PRKAG2: variants seen among roughly 807,000 people sequenced by gnomAD.
The protein encoded by PRKAG2 is protein kinase AMP-activated non-catalytic subunit gamma 2, also known as 5'-AMP-activated protein kinase subunit gamma-2.
PRKAG2 carries 26 observed loss-of-function variants against 69.6 expected under a neutral mutation model. The ratio of observed to expected loss-of-function variants is 0.37; its 90% CI spans 0.27 to 0.52. PRKAG2 has a LOEUF of 0.52. Ranked by LOEUF, PRKAG2 falls within the 20% of genes least tolerant of loss-of-function variation. The pLI is 0.90. For synonymous variants in PRKAG2, 293 were observed against 285.0 expected, an observed-to-expected ratio of 1.03 and a Z score of -0.28; for missense variants, 557 against 740.0, an observed-to-expected ratio of 0.75 and a Z score of 2.87.
intron 5 of PRKAG2, among the ~76,000 whole-genome samples, chr7:151,616,307 C>T (rs1052781654): frequency 6.6e-6 from 1 of 152,156 alleles, no homozygotes; most frequent in Non-Finnish European, 1.5e-5. Context: ...CACACAGGCA[C>T]ACACACACAT....
rs1341178558 is a variant in PRKAG2, at chr7:151,777,885, C to A, written c.466+3267G>T. Among the ~76,000 whole-genome samples the A allele has an allele frequency of 1.3e-5, 2 of 152,170 alleles. No individual in the cohort carries two copies. Among genetic ancestry groups the A allele is most frequent in the Admixed American group, 6.5e-5 (1 of 15,276 alleles). The stretch of plus-strand genomic sequence containing the variant: ...GATTATGGGAGGGGCCTGAACCGGG[C>A]TAACATGCAGGTGTAGTTTCTATGA... On this transcript the variant is annotated intron_variant, in intron 3 of 15. Coordinates refer to ENST00000287878, the MANE Select transcript of PRKAG2 (RefSeq NM_016203.4). The surrounding 1 kb of genome is among the most constrained non-coding windows in gnomAD (Gnocchi z 4.3).
rs2302530 is a variant in PRKAG2 at position 151,570,311 on chromosome 7, G to A, written c.1052-86C>T. The A allele has an allele frequency of 0.24, 341,698 of 1,424,172 alleles. 43,670 individuals are homozygous for A. Among genetic ancestry groups the A allele is most frequent in the East Asian group, 0.41 (17,585 of 42,698 alleles). 88.2% of individuals were successfully genotyped at this position (1,424,172 alleles called of 1,614,324 possible). A position where few individuals can be genotyped will look rare whatever the true frequency, so the allele number is the denominator to read the frequency against. On this transcript the variant is annotated intron_variant, in intron 9 of 15. Transcript: ENST00000287878. ...CAAATTCAAATACCCTTCAGTTTAC[G>A]GTTAATAGTTAGAAGGATTAAAAAC... is the stretch of plus-strand genomic sequence containing the variant.
At chr7:151,812,678 A>G (rs4582468) in intron 1 of PRKAG2, among the ~76,000 whole-genome samples, 55,369 of 152,026 alleles carry the variant, frequency 0.36, 10,388 homozygotes, top group South Asian at 0.57. Flanking sequence ...CACGAAGACC[A>G]GGCTTAGGGA....
At chr7:151,665,534 C>T (rs1014731658) in intron 4 of PRKAG2, among the ~76,000 whole-genome samples, 1 of 152,214 alleles carries the variant, frequency 6.6e-6, no homozygotes, top group Admixed American at 6.5e-5. Flanking sequence ...TAGACACACT[C>T]TGCCTGTCTC....
At chr7:151,617,890 T>G (rs1028834243) in intron 5 of PRKAG2, among the ~76,000 whole-genome samples, 1 of 152,234 alleles carries the variant, frequency 6.6e-6, no homozygotes, top group East Asian at 1.9e-4. Flanking sequence ...TTATACTTTA[T>G]TCTGCATTTA....
At chr7:151,693,865 G>T (rs1836131887) in intron 3 of PRKAG2, among the ~76,000 whole-genome samples, 2 of 152,220 alleles carry the variant, frequency 1.3e-5, no homozygotes, top group African/African-American at 2.4e-5. Flanking sequence ...CTGTGAGAAA[G>T]AAATTTCTGT....
At chr7:151,590,481 G>A (rs1242219689) in intron 6 of PRKAG2, among the ~76,000 whole-genome samples, 1 of 152,242 alleles carries the variant, frequency 6.6e-6, no homozygotes, top group Non-Finnish European at 1.5e-5. Flanking sequence ...CATCTGACTG[G>A]ACTCAGATGA....
chr7:151,734,482 G>C (rs1860742), intron 3 of PRKAG2, among the ~76,000 whole-genome samples: 1 of 152,204 alleles, frequency 6.6e-6, no homozygotes, highest in African/African-American at 2.4e-5. Context: ...GGGTCCTGCT[G>C]TTCCATCTTG....
At chr7:151,724,078 C>A (rs964782661) in intron 3 of PRKAG2, among the ~76,000 whole-genome samples, 5 of 152,182 alleles carry the variant, frequency 3.3e-5, no homozygotes, top group African/African-American at 1.2e-4. Flanking sequence ...TATTCCTACA[C>A]CTTCCCTCTG....
intron 1 of PRKAG2, among the ~76,000 whole-genome samples, chr7:151,812,231 A>G (rs368692403): frequency 3.3e-5 from 5 of 152,348 alleles, no homozygotes; most frequent in African/African-American, 7.2e-5. Flanking sequence ...ATACAAAGTA[A>G]TGCATAAAAC....
chr7:151,877,060 G>A lies in PRKAG2; in HGVS notation c.-440C>T, dbSNP rs1433916711. The A allele has an allele frequency of 8.0e-6, 2 of 249,770 alleles. No homozygotes were observed. The highest frequency in any genetic ancestry group is 4.5e-5 in the African/African-American group (2 of 44,596). 15.5% of individuals were successfully genotyped at this position (249,770 alleles called of 1,614,324 possible). On this transcript the variant is annotated 5_prime_UTR_variant, in exon 1 of 16. Transcript: ENST00000287878. ...GCCTCCTATGCCTGTGCCCAAGTGG[G>A]GAATCTGGAACCAGTAAGCCCGTTC... is the stretch of plus-strand genomic sequence containing the variant.
At chr7:151,665,314 C>T (rs972737074) in intron 4 of PRKAG2, among the ~76,000 whole-genome samples, 5 of 152,136 alleles carry the variant, frequency 3.3e-5, no homozygotes, top group Non-Finnish European at 7.4e-5. Flanking sequence ...TTAAAAAGAT[C>T]CAACAGCTTT....
chr7:151,755,189 C>T (rs2075002751), intron 3 of PRKAG2, among the ~76,000 whole-genome samples: 1 of 152,122 alleles, frequency 6.6e-6, no homozygotes, highest in Admixed American at 6.5e-5. Flanking sequence ...GGTGGTGCTC[C>T]TTAGCTGAGG....
intron 4 of PRKAG2, among the ~76,000 whole-genome samples, chr7:151,660,068 T>A (rs545473769): frequency 1.1e-4 from 17 of 152,182 alleles, no homozygotes; most frequent in African/African-American, 4.1e-4. Flanking sequence ...CCAAAAAAAG[T>A]TATTTCCACA....
chr7:151,863,756 A>G (rs2079992574), intron 1 of PRKAG2, among the ~76,000 whole-genome samples: 1 of 152,108 alleles, frequency 6.6e-6, no homozygotes, highest in South Asian at 2.1e-4. Context: ...CTCTATGAAA[A>G]ATCAAAAAAT....
At chr7:151,658,130 C>G (rs1293928644) in intron 4 of PRKAG2, among the ~76,000 whole-genome samples, 4 of 148,954 alleles carry the variant, frequency 2.7e-5, no homozygotes, top group Non-Finnish European at 5.9e-5. Flanking sequence ...TGTACTCCAG[C>G]CTGGTGACAG....
chr7:151,813,133 C>T (rs1269672391), intron 1 of PRKAG2, among the ~76,000 whole-genome samples: 1 of 152,108 alleles, frequency 6.6e-6, no homozygotes, highest in Non-Finnish European at 1.5e-5. Flanking sequence ...TCCCAGGGAG[C>T]TTCCCCCTCT....
chr7:151,798,162 C>T (rs2077656590), intron 1 of PRKAG2, among the ~76,000 whole-genome samples: 1 of 152,014 alleles, frequency 6.6e-6, no homozygotes, highest in Non-Finnish European at 1.5e-5. Flanking sequence ...CGCCACCACG[C>T]CTGGCTAATT....
chr7:151,592,023 G>C (rs906534879), intron 6 of PRKAG2, among the ~76,000 whole-genome samples: 4 of 152,272 alleles, frequency 2.6e-5, no homozygotes, highest in Middle Eastern at 3.4e-3. Context: ...AGCATGCACA[G>C]CGACCCTCTC....
Sources: allele counts gnomAD v4.1 joint callset (sites outside exome capture counted in the v4.1 genomes callset), GRCh38; gene constraint gnomAD v4.1.1; non-coding constraint Gnocchi (gnomAD v3.1); transcripts MANE v1.5; gene names NCBI Gene and HGNC (gene_info 2026-07-23, HGNC 2026-07-21).